Variants in TENT4A observed in about 807,000 individuals in gnomAD.
TENT4A encodes terminal nucleotidyltransferase 4A.
Under a neutral mutation model 72.8 loss-of-function variants are expected in TENT4A, and 7 were observed. The observed-to-expected ratio is 0.10, with a 90% CI of 0.05 to 0.18. TENT4A has a LOEUF of 0.18. Ranked by LOEUF, TENT4A falls within the 10% of genes least tolerant of loss-of-function variation. TENT4A has a pLI of 1.00. For missense variants in TENT4A, 831 were observed against 1,017.7 expected, an observed-to-expected ratio of 0.82 and a Z score of 2.50; for synonymous variants, 456 against 434.3, an observed-to-expected ratio of 1.05 and a Z score of -0.62.
At chr5:6,751,540 C>T (rs560561982) in intron 11 of TENT4A, 7 of 224,036 alleles carry the variant, frequency 3.1e-5, no homozygotes, top group East Asian at 2.1e-4. Context: ...CTTAGCTGGG[C>T]GCCAAGCCGT....
intron 6 of TENT4A, among the ~76,000 whole-genome samples, chr5:6,744,838 T>C (rs1421016394): frequency 6.6e-6 from 1 of 152,262 alleles, no homozygotes; most frequent in Non-Finnish European, 1.5e-5. Flanking sequence ...CTCTGTTCTT[T>C]ACTGATATAC....
At position 6,754,674 on chromosome 5, in the gene TENT4A, A is replaced by T. The variant is rs540564661; in HGVS notation, c.2185-77A>T. ...TCTATGTAACATCACGTCGGTGCTT[A>T]GTGTGGTCACTGCCCGAGGACGTGG... On this transcript the variant is annotated intron_variant, in intron 12 of 12. Transcript: ENST00000230859. 68 of 1,175,152 alleles carry T rather than the reference A, an allele frequency of 5.8e-5. No individual in the cohort carries two copies. In the African/African-American group the frequency reaches 9.2e-4, roughly 16 times the overall value. 72.8% of individuals were successfully genotyped at this position (1,175,152 alleles called of 1,614,324 possible).
At chr5:6,747,082 A>G (rs1159065090) in intron 7 of TENT4A, among the ~76,000 whole-genome samples, 1 of 152,196 alleles carries the variant, frequency 6.6e-6, no homozygotes, top group Non-Finnish European at 1.5e-5. Flanking sequence ...ACGCTTTTAA[A>G]TTTATATTTC....
intron 1 of TENT4A, among the ~76,000 whole-genome samples, chr5:6,725,763 CCT>C (rs1048692433): frequency 2.6e-5 from 4 of 152,038 alleles, no homozygotes; most frequent in South Asian, 2.1e-4. Context: ...CACTGTAGGA[CCT>C]CTCTCTCTAG....
At chr5:6,740,307 A>T (rs534283229) in intron 4 of TENT4A, among the ~76,000 whole-genome samples, 10 of 152,228 alleles carry the variant, frequency 6.6e-5, no homozygotes, top group Non-Finnish European at 1.3e-4. Context: ...AAATATACAT[A>T]TATGAAAAGC....
chr5:6,750,784 A>AT (rs1321831094), intron 10 of TENT4A: 1 of 543,834 alleles, frequency 1.8e-6, no homozygotes, highest in East Asian at 2.9e-5. Context: ...GTTTTTAAAA[A>AT]TTTATTTGAA....
intron 1 of TENT4A, among the ~76,000 whole-genome samples, chr5:6,736,730 G>A (rs1741525447): frequency 6.6e-6 from 1 of 152,210 alleles, no homozygotes; most frequent in African/African-American, 2.4e-5. Context: ...CTTTGAGGTG[G>A]CGGCGTGAGG....
rs531343853 is a variant in TENT4A at position 6,721,087 on chromosome 5, A to G, written c.716+6388A>G. Among the ~76,000 whole-genome samples the G allele has an allele frequency of 2.0e-5, 3 of 152,182 alleles. No homozygotes were observed. The East Asian group carries it at 5.8e-4, about 29-fold the overall frequency. On this transcript the variant is annotated intron_variant, in intron 1 of 12. Transcript: ENST00000230859. ...GTTTGGCTCTTGTGGAGTTGCTGCT[A>G]TTACTAAGTTGATCCCACTGCCCTC...
chr5:6,724,370 C>T (rs978048523), intron 1 of TENT4A, among the ~76,000 whole-genome samples: 2 of 152,220 alleles, frequency 1.3e-5, no homozygotes, highest in Middle Eastern at 3.4e-3. Context: ...GGAAGGACAA[C>T]GATGAAATGA....
chr5:6,747,879 T>A (rs1181739599), intron 7 of TENT4A, among the ~76,000 whole-genome samples: 2 of 152,238 alleles, frequency 1.3e-5, no homozygotes, highest in Admixed American at 6.5e-5. Context: ...GCTTCCTTGG[T>A]GACTGCTGTG....
intron 8 of TENT4A, among the ~76,000 whole-genome samples, chr5:6,748,902 G>A (rs529283719): frequency 5.5e-4 from 83 of 152,142 alleles, no homozygotes; most frequent in African/African-American, 2.0e-3. Flanking sequence ...CTCGTCCCTT[G>A]TTCTACATTT....
chr5:6,721,779 T>A (rs1260136951), intron 1 of TENT4A, among the ~76,000 whole-genome samples: 1 of 152,200 alleles, frequency 6.6e-6, no homozygotes, highest in Non-Finnish European at 1.5e-5. Context: ...ACAACATGCC[T>A]TTTTGTTGTG....
rs1561050214 is a variant in TENT4A, at chr5:6,754,821, T to G, written c.2255T>G (p.Val752Gly). 2 of 1,608,224 alleles carry G rather than the reference T, an allele frequency of 1.2e-6. No homozygotes were observed. Among genetic ancestry groups the G allele is most frequent in the Non-Finnish European group, 1.7e-6 (2 of 1,175,668 alleles). The change falls in exon 13 of 13, where the codon GTG (valine) becomes GGG (glycine). Residue 752 changes from valine to glycine, a missense_variant. Val to Gly is a moderately radical substitution (Grantham distance 109). This residue lies in a region of TENT4A where 332 missense variants were observed against 324.3 expected (regional missense o/e 1.02). Coordinates refer to ENST00000230859, the MANE Select transcript of TENT4A (RefSeq NM_006999.6). Reference sequence around the variant, plus strand: ...ACCCAAGGCGGCGGCTACAGCTCTGTGGGTAGCGGAGGTGTGCGGCCCCCT... The same window carrying G: ...ACCCAAGGCGGCGGCTACAGCTCTGGGGGTAGCGGAGGTGTGCGGCCCCCT... ...GHTQGGGYSS[V>G]GSGGVRPPVG...
chr5:6,751,125 C>A lies in TENT4A; in HGVS notation c.1947C>A (p.Thr649=). 1 of 1,614,220 alleles carries A rather than the reference C, an allele frequency of 6.2e-7. No homozygotes were observed. The change falls in exon 11 of 13, where the codon ACC becomes ACA. Residue 649 remains threonine, a synonymous_variant. Coordinates refer to ENST00000230859, the MANE Select transcript of TENT4A (RefSeq NM_006999.6). The stretch of plus-strand genomic sequence containing the variant: ...CTCCTCTCATGGCCGGCTTACCCAC[C>A]GCCTTGCCAATGCCCAGTGGCAAAC... ...APAPLMAGLP[T]ALPMPSGKPQ...
chr5:6,714,736 G>A, intron 1 of TENT4A, 37 bp downstream of exon 1: 2 of 1,145,230 alleles, frequency 1.7e-6, no homozygotes, highest in Non-Finnish European at 2.2e-6. Flanking sequence ...CGGGGGCGGG[G>A]CCCATGGTCC....
At position 6,713,983 on chromosome 5, in the gene TENT4A, G is replaced by T; in HGVS notation, c.-1G>T. ...GCGGGCCCCGCGGGGGCGGCGCGTG[G>T]ATGGATCCGCGCGTGGCCTGGATCC... On this transcript the variant is annotated 5_prime_UTR_variant, in exon 1 of 13. Coordinates refer to ENST00000230859, the MANE Select transcript of TENT4A (RefSeq NM_006999.6). 1.0e-6 allele frequency: 1 copy of T among 979,110 alleles called. No homozygotes were observed. The highest frequency in any genetic ancestry group is 1.2e-6 in the Non-Finnish European group (1 of 826,834). The allele number at this position is 979,110 out of a possible 1,614,324, so 60.7% of individuals were successfully genotyped here. A position where few individuals can be genotyped will look rare whatever the true frequency, so the allele number is the denominator to read the frequency against.
intron 1 of TENT4A, among the ~76,000 whole-genome samples, chr5:6,724,940 A>C (rs755998026): frequency 2.0e-5 from 3 of 152,226 alleles, no homozygotes; most frequent in Non-Finnish European, 2.9e-5. Flanking sequence ...CAGGCATTGG[A>C]GTCCAGGTAG....
At chr5:6,737,464 T>C (rs1741565707) in intron 1 of TENT4A, 46 bp from the exon 2 acceptor site, 1 of 1,532,158 alleles carries the variant, frequency 6.5e-7, no homozygotes, top group African/African-American at 1.4e-5. Flanking sequence ...GAAAATGTGG[T>C]GACATTTCAT....
At chr5:6,746,176 A>G (rs779623273) in intron 6 of TENT4A, 38 bp from the exon 7 acceptor site, 5 of 1,613,830 alleles carry the variant, frequency 3.1e-6, no homozygotes, top group Admixed American at 3.3e-5. Flanking sequence ...AGAACATGCC[A>G]TGAATCCATA....
Sources: allele counts gnomAD v4.1 joint callset (sites outside exome capture counted in the v4.1 genomes callset), GRCh38; gene constraint gnomAD v4.1.1; regional missense constraint gnomAD v4.1.1; transcripts MANE v1.5; gene names NCBI Gene and HGNC (gene_info 2026-07-23, HGNC 2026-07-21).